The following ZNF385B variants were observed in gnomAD, a reference collection of about 807,000 sequenced individuals.
The protein encoded by ZNF385B is zinc finger protein 533.
ZNF385B carries 23 observed loss-of-function variants against 39.2 expected under a neutral mutation model. That is an observed-to-expected ratio of 0.59 (90% confidence interval 0.42 to 0.83). ZNF385B has a LOEUF of 0.83. Ranked by LOEUF, ZNF385B falls within the 40% of genes least tolerant of loss-of-function variation. The pLI is 0.00. For missense variants in ZNF385B, 552 were observed against 598.9 expected (o/e 0.92, Z 0.82); for synonymous variants, 205 against 222.6 (o/e 0.92, Z 0.70).
chr2:179,651,236 C>A (rs1693168284), intron 3 of ZNF385B, among the ~76,000 whole-genome samples: 1 of 151,708 alleles, frequency 6.6e-6, no homozygotes, highest in Non-Finnish European at 1.5e-5. Context: ...ACTTATTTTT[C>A]AATACTGTAT....
chr2:179,651,504 CATA>C (rs1693189910), intron 3 of ZNF385B, among the ~76,000 whole-genome samples: 1 of 152,080 alleles, frequency 6.6e-6, no homozygotes, highest in Non-Finnish European at 1.5e-5. Context: ...ACACACCACG[CATA>C]ATATTTTAAA....
In ZNF385B at chr2:179,795,282, G is replaced by A. The variant is rs181774360; in HGVS notation, c.-154-24610C>T. Among the ~76,000 whole-genome samples, 266 of 152,160 alleles carry A rather than the reference G, an allele frequency of 1.7e-3. 2 individuals carry two copies. The highest frequency in any genetic ancestry group is 4.4e-4 in the Non-Finnish European group (30 of 67,976). ...GGAAAAAAAGCAGAAAAATATAGAC[G>A]CAGGGAACTGTTGGGAAAAGTTAGA... On this transcript the variant is annotated intron_variant, in intron 1 of 9. Coordinates refer to ENST00000410066, the MANE Select transcript of ZNF385B (RefSeq NM_152520.6).
chr2:179,576,970 GAA>G (rs1258403005), intron 3 of ZNF385B, among the ~76,000 whole-genome samples: 1 of 152,144 alleles, frequency 6.6e-6, no homozygotes, highest in Non-Finnish European at 1.5e-5. Context: ...TTTTGCTAGA[GAA>G]AGTTTGAGGA....
intron 3 of ZNF385B, among the ~76,000 whole-genome samples, chr2:179,572,533 G>A (rs766432714): frequency 4.6e-5 from 7 of 152,128 alleles, no homozygotes; most frequent in Non-Finnish European, 7.3e-5. Context: ...GGGTTAGGCT[G>A]TAGTGAGAAA....
chr2:179,641,303 G>A (rs546509176), intron 3 of ZNF385B, among the ~76,000 whole-genome samples: 2 of 152,136 alleles, frequency 1.3e-5, no homozygotes, highest in East Asian at 3.9e-4. Context: ...CCACTTCAAT[G>A]TCACCCACTC....
intron 3 of ZNF385B, among the ~76,000 whole-genome samples, chr2:179,650,197 A>T (rs1403958957): frequency 1.3e-5 from 2 of 152,260 alleles, no homozygotes; most frequent in African/African-American, 4.8e-5. Context: ...CACTCAAAAC[A>T]GTTCTCTAGG....
rs541592246 is a variant in ZNF385B, at chr2:179,631,071, A to T, written c.299-86102T>A. Among the ~76,000 whole-genome samples the T allele has an allele frequency of 7.2e-5, 11 of 152,328 alleles. No individual in the cohort carries two copies. The South Asian group carries it at 2.1e-3, about 29-fold the overall frequency. On this transcript the variant is annotated intron_variant, in intron 3 of 9. Transcript: ENST00000410066. ...GGTGTACCTAAAAGTGACAGGGAGA[A>T]TGGAACCAAGTTGGAAAACATTCTT...
chr2:179,783,720 G>T (rs1704814969), intron 1 of ZNF385B, among the ~76,000 whole-genome samples: 1 of 152,068 alleles, frequency 6.6e-6, no homozygotes, highest in Non-Finnish European at 1.5e-5. Flanking sequence ...AGAAGCATAT[G>T]AAAAAAAGCT....
chr2:179,487,303 T>A (rs1306900372), intron 5 of ZNF385B, among the ~76,000 whole-genome samples: 2 of 152,250 alleles, frequency 1.3e-5, no homozygotes, highest in African/African-American at 2.4e-5. Context: ...TTTTATTGAC[T>A]GTTGTTTGGG....
At chr2:179,834,026 G>T (rs1708118105) in intron 1 of ZNF385B, among the ~76,000 whole-genome samples, 1 of 151,856 alleles carries the variant, frequency 6.6e-6, no homozygotes, top group East Asian at 1.9e-4. Flanking sequence ...TCATGTTATT[G>T]GAATCATGGT....
intron 1 of ZNF385B, among the ~76,000 whole-genome samples, chr2:179,834,807 A>T (rs1708161281): frequency 6.6e-6 from 1 of 152,210 alleles, no homozygotes; most frequent in African/African-American, 2.4e-5. Context: ...TAATATCATC[A>T]ACAAACTAAC....
intron 3 of ZNF385B, among the ~76,000 whole-genome samples, chr2:179,550,514 C>A (rs1300057946): frequency 6.7e-6 from 1 of 149,782 alleles, no homozygotes; most frequent in Non-Finnish European, 1.5e-5. Context: ...AACTTAGCAG[C>A]TGTTTACCAT....
At chr2:179,848,571 T>TTTTGAATTCCTGAATCAAA (rs1708920364) in intron 1 of ZNF385B, among the ~76,000 whole-genome samples, 2 of 152,230 alleles carry the variant, frequency 1.3e-5, no homozygotes, top group Admixed American at 1.3e-4. Flanking sequence ...CCTTTTCAGA[T>TTTTGAATTCCTGAATCAAA]AAAGGAATTT....
intron 3 of ZNF385B, among the ~76,000 whole-genome samples, chr2:179,672,176 C>T (rs1048606527): frequency 4.6e-5 from 7 of 152,190 alleles, no homozygotes; most frequent in African/African-American, 1.7e-4. Flanking sequence ...TATTCTTGAG[C>T]CTTAAGATTT....
chr2:179,514,694 C>CA (rs2057955459), intron 5 of ZNF385B, among the ~76,000 whole-genome samples: 1 of 150,172 alleles, frequency 6.7e-6, no homozygotes, highest in Non-Finnish European at 1.5e-5. Context: ...TAAAGATATG[C>CA]AAAAAAATTA....
At chr2:179,678,714 A>G (rs1170419824) in intron 3 of ZNF385B, among the ~76,000 whole-genome samples, 1 of 152,212 alleles carries the variant, frequency 6.6e-6, no homozygotes, top group Non-Finnish European at 1.5e-5. Context: ...AACAAACACA[A>G]TGCCTTCTCA....
chr2:179,548,486 T>G lies in ZNF385B; in HGVS notation c.299-3517A>C, dbSNP rs144609991. Among the ~76,000 whole-genome samples the G allele has an allele frequency of 1.3e-3, 195 of 149,904 alleles. 2 individuals carry two copies. The highest frequency in any genetic ancestry group is 6.9e-3 in the East Asian group (36 of 5,188). On this transcript the variant is annotated intron_variant, in intron 3 of 9. Transcript: ENST00000410066. ...TCATATACCAGACAATTCATCTGAA[T>G]TGTAGAATTCAATTATTTTTAGCAT...
At chr2:179,505,746 G>A (rs2057193368) in intron 5 of ZNF385B, among the ~76,000 whole-genome samples, 1 of 152,072 alleles carries the variant, frequency 6.6e-6, no homozygotes, top group Non-Finnish European at 1.5e-5. Context: ...AATAACAAAT[G>A]TCACTGGTAT....
intron 6 of ZNF385B, among the ~76,000 whole-genome samples, chr2:179,466,402 A>T (rs1288053808): frequency 2.6e-5 from 4 of 152,144 alleles, no homozygotes; most frequent in Admixed American, 2.6e-4. Flanking sequence ...TGAAAAAAAA[A>T]ATCACCAAAA....
Sources: gnomAD v4.1 joint callset for allele counts (sites outside exome capture counted in the v4.1 genomes callset) on GRCh38, gnomAD v4.1.1 for gene constraint, MANE v1.5 for transcripts, NCBI Gene and HGNC (gene_info 2026-07-23, HGNC 2026-07-21) for gene names.